Variants in NXN observed in about 807,000 individuals in gnomAD.
NXN encodes the protein nucleoredoxin 1.
In NXN, 16 loss-of-function variants were observed where a neutral mutation model predicts 48.6. The ratio of observed to expected loss-of-function variants is 0.33; its 90% CI spans 0.22 to 0.50. The LOEUF is 0.50. Ranked by LOEUF, NXN falls within the 20% of genes least tolerant of loss-of-function variation. The pLI is 0.98. For missense variants in NXN, 492 were observed against 605.5 expected, an observed-to-expected ratio of 0.81 and a Z score of 1.97; for synonymous variants, 281 against 269.6, an observed-to-expected ratio of 1.04 and a Z score of -0.41.
chr17:836,954 G>T (rs1866031164), intron 1 of NXN, among the ~76,000 whole-genome samples: 1 of 133,586 alleles, frequency 7.5e-6, no homozygotes, highest in Admixed American at 7.3e-5. Flanking sequence ...ACCACACCTA[G>T]CTTAGTTGCT....
At chr17:896,194 G>T (rs7225979) in intron 1 of NXN, among the ~76,000 whole-genome samples, 3,132 of 152,138 alleles carry the variant, frequency 0.021, 114 homozygotes, top group African/African-American at 0.072. Context: ...CAAAAAATTA[G>T]CCGGGCGTGG....
intron 1 of NXN, among the ~76,000 whole-genome samples, chr17:895,795 GTTTTGTTT>G (rs1567853120): frequency 6.7e-5 from 8 of 120,288 alleles, no homozygotes; most frequent in African/African-American, 7.7e-5. Context: ...TCCAGCCTGG[GTTTTGTTT>G]GTCTCAAAAA....
intron 1 of NXN, among the ~76,000 whole-genome samples, chr17:837,677 C>T (rs920589180): frequency 2.0e-5 from 3 of 152,174 alleles, no homozygotes; most frequent in African/African-American, 7.2e-5. Flanking sequence ...GAGCTTCTCT[C>T]GCTTTGCCCG....
chr17:929,125 A>G (rs748070196), intron 1 of NXN, among the ~76,000 whole-genome samples: 31 of 152,206 alleles, frequency 2.0e-4, no homozygotes, highest in Non-Finnish European at 3.8e-4. Context: ...ATAAAAACCC[A>G]GTTTGTTAGC....
intron 1 of NXN, among the ~76,000 whole-genome samples, chr17:969,349 G>T (rs2069344872): frequency 6.6e-6 from 1 of 152,160 alleles, no homozygotes. Context: ...TCCAACCCGG[G>T]AAACCTGGAT....
chr17:957,579 C>A (rs1181915768), intron 1 of NXN, among the ~76,000 whole-genome samples: 1 of 151,496 alleles, frequency 6.6e-6, no homozygotes, highest in Non-Finnish European at 1.5e-5. Flanking sequence ...TTGCAGTGAG[C>A]CAAGATCAAG....
intron 1 of NXN, among the ~76,000 whole-genome samples, chr17:929,037 A>G (rs1375258629): frequency 1.3e-5 from 2 of 152,226 alleles, no homozygotes; most frequent in African/African-American, 2.4e-5. Context: ...TGAATGGCAT[A>G]TGTGCTTTGT....
intron 1 of NXN, among the ~76,000 whole-genome samples, chr17:844,613 C>T (rs1372405557): frequency 2.0e-5 from 3 of 151,786 alleles, no homozygotes; most frequent in Non-Finnish European, 4.4e-5. Flanking sequence ...GAGATGGAGT[C>T]TCCTTCTGTC....
intron 1 of NXN, among the ~76,000 whole-genome samples, chr17:931,517 C>T (rs980345651): frequency 6.6e-5 from 10 of 151,542 alleles, no homozygotes; most frequent in African/African-American, 2.4e-4. Flanking sequence ...ATTTTGTTTT[C>T]GCCATAAGCA....
chr17:803,915 G>GC, intron 6 of NXN, 109 bp from the exon 7 acceptor site: 2 of 1,432,218 alleles, frequency 1.4e-6, no homozygotes, highest in Non-Finnish European at 1.9e-6. Context: ...CGCCTGAGCG[G>GC]CCCCTGAACG....
chr17:918,417 C>T (rs1237838481), intron 1 of NXN, among the ~76,000 whole-genome samples: 3 of 152,148 alleles, frequency 2.0e-5, no homozygotes, highest in Admixed American at 6.6e-5. Context: ...TCAGGGAGGC[C>T]GTGACTCCCA....
chr17:962,954 C>A (rs2069255037), intron 1 of NXN, among the ~76,000 whole-genome samples: 3 of 152,114 alleles, frequency 2.0e-5, no homozygotes, highest in Admixed American at 2.0e-4. Context: ...CTGTTGTACA[C>A]AGGGAGCACA....
chr17:805,020 T>TCCCCCCCCCCCCCCCCCCCCCCCC, intron 6 of NXN, 48 bp downstream of exon 6: 8 of 1,512,876 alleles, frequency 5.3e-6, no homozygotes, highest in Non-Finnish European at 7.2e-6. Context: ...GCCCCTCCTG[T>TCCCCCCCCCCCCCCCCCCCCCCCC]CCCGCCCCCC....
chr17:858,142 G>C (rs1250333150), intron 1 of NXN, among the ~76,000 whole-genome samples: 2 of 151,570 alleles, frequency 1.3e-5, no homozygotes, highest in Non-Finnish European at 2.9e-5. Flanking sequence ...GCTAACTTTT[G>C]TATTTTTGTG....
intron 1 of NXN, among the ~76,000 whole-genome samples, chr17:852,158 G>A (rs1355283061): frequency 6.6e-6 from 1 of 152,220 alleles, no homozygotes; most frequent in Non-Finnish European, 1.5e-5. Context: ...GCAGCCTCTA[G>A]AAGGCTCTTG....
Position 826,097 on chromosome 17 carries a change from A to G in NXN, c.361-19T>C, listed in dbSNP as rs775285241. On this transcript the variant is annotated intron_variant, in intron 1 of 7. Coordinates refer to ENST00000336868, the MANE Select transcript of NXN (RefSeq NM_022463.5). ...GTTTGAGCTGTATGAAGAAAAGCAAAAGAAGGTGGTTAAGTCCAAACCAGA... is the reference window on the plus strand; with the variant it reads ...GTTTGAGCTGTATGAAGAAAAGCAAGAGAAGGTGGTTAAGTCCAAACCAGA... The G allele has an allele frequency of 6.5e-7, 1 of 1,547,608 alleles. No individual in the cohort carries two copies. The highest frequency in any genetic ancestry group is 2.2e-5 in the East Asian group (1 of 44,522).
At chr17:979,219 CAACGGGGTTGGCGGAGGGCAGGGGT>C (rs2069503431) in intron 1 of NXN, 75 bp downstream of exon 1, 1 of 536,948 alleles carries the variant, frequency 1.9e-6, no homozygotes, top group East Asian at 9.5e-5. Context: ...GGCAGGGGGA[CAACGGGGTTGGCGGAGGGCAGGGGT>C]AACGGGCGTG....
intron 1 of NXN, chr17:959,493 G>GGAA (rs1555520623): frequency 2.0e-5 from 3 of 147,904 alleles, no homozygotes; most frequent in African/African-American, 7.6e-5. Context: ...TCAGAAGTGA[G>GGAA]AAAAAAAAAA....
At chr17:847,159 C>T (rs1273380681) in intron 1 of NXN, among the ~76,000 whole-genome samples, 4 of 151,872 alleles carry the variant, frequency 2.6e-5, no homozygotes, top group Non-Finnish European at 5.9e-5. Context: ...TGTCCCCCCG[C>T]GGAGCCACTA....
Sources: gnomAD v4.1 joint callset for allele counts (sites outside exome capture counted in the v4.1 genomes callset) on GRCh38, gnomAD v4.1.1 for gene constraint, MANE v1.5 for transcripts, NCBI Gene and HGNC (gene_info 2026-07-23, HGNC 2026-07-21) for gene names.